The following COL12A1 variants were observed in gnomAD, a reference collection of about 807,000 sequenced individuals.
COL12A1 encodes collagen type XII alpha 1 chain.
In COL12A1, 114 loss-of-function variants were observed where a neutral mutation model predicts 349.7. The observed-to-expected ratio is 0.33, with a 90% CI of 0.28 to 0.38. The LOEUF is 0.38. Among genes scored for constraint, COL12A1 ranks in the 10% least tolerant of loss-of-function variants. The pLI, the probability that COL12A1 is intolerant of heterozygous loss-of-function variation, is 1.00. For synonymous variants in COL12A1, 1,369 were observed against 1,329.0 expected, an observed-to-expected ratio of 1.03 and a Z score of -0.66; for missense variants, 3,284 against 3,756.9, an observed-to-expected ratio of 0.87 and a Z score of 3.29.
chr6:75,103,190 G>A (rs1384272420), intron 55 of COL12A1, among the ~76,000 whole-genome samples: 1 of 152,166 alleles, frequency 6.6e-6, no homozygotes. Flanking sequence ...CATCAGGCCT[G>A]GGTTAGCATC....
At chr6:75,190,714 T>C (rs537011597) in intron 5 of COL12A1, among the ~76,000 whole-genome samples, 57 of 151,964 alleles carry the variant, frequency 3.8e-4, no homozygotes, top group African/African-American at 1.4e-3. Context: ...TGATAGGTAA[T>C]AAAAGAAGTA....
chr6:75,128,183 T>C (rs1471055954), intron 38 of COL12A1, 113 bp downstream of exon 38: 4 of 834,060 alleles, frequency 4.8e-6, no homozygotes, highest in African/African-American at 3.5e-5. Context: ...ATTAGTGTGG[T>C]ATTTGAGATG....
chr6:75,087,940 C>A (rs931617044), intron 64 of COL12A1, among the ~76,000 whole-genome samples, 193 bp from the exon 65 acceptor site: 2 of 152,168 alleles, frequency 1.3e-5, no homozygotes, highest in African/African-American at 4.8e-5. Flanking sequence ...AGTGACTCAT[C>A]AGAGTTAATG....
chr6:75,123,673 C>T (rs1182518906), intron 42 of COL12A1, among the ~76,000 whole-genome samples: 1 of 152,126 alleles, frequency 6.6e-6, no homozygotes, highest in Non-Finnish European at 1.5e-5. Flanking sequence ...GTAAAAGTCA[C>T]TAATATGAAT....
At chr6:75,117,009 G>A (rs147898244) in intron 47 of COL12A1, among the ~76,000 whole-genome samples, 128 of 152,206 alleles carry the variant, frequency 8.4e-4, no homozygotes, top group African/African-American at 2.7e-3. Context: ...CTTGAAGCAC[G>A]GATGTTGACA....
chr6:75,121,126 C>T (rs567070077), intron 44 of COL12A1, among the ~76,000 whole-genome samples, 176 bp downstream of exon 44: 2 of 152,246 alleles, frequency 1.3e-5, no homozygotes, highest in Admixed American at 6.5e-5. Context: ...ATTTATTTTT[C>T]TATTGATTTA....
chr6:75,188,602 C>T (rs1769757730), intron 7 of COL12A1, 67 bp from the exon 8 acceptor site: 8 of 1,518,388 alleles, frequency 5.3e-6, no homozygotes, highest in South Asian at 1.2e-5. Flanking sequence ...AGAAGTTCTT[C>T]GTTTTCTCCA....
At position 75,085,051 on chromosome 6, in the gene COL12A1, C is replaced by G; in HGVS notation, c.*1496G>C. 1 of 339,602 alleles carries G rather than the reference C, an allele frequency of 2.9e-6. No individual in the cohort carries two copies. Among genetic ancestry groups the G allele is most frequent in the Non-Finnish European group, 5.9e-6 (1 of 168,794 alleles). 21.0% of individuals were successfully genotyped at this position (339,602 alleles called of 1,614,324 possible). On this transcript the variant is annotated 3_prime_UTR_variant, in exon 66 of 66. Coordinates refer to ENST00000322507, the MANE Select transcript of COL12A1 (RefSeq NM_004370.6). The stretch of plus-strand genomic sequence containing the variant: ...AGGCTTCCTGCAGAAACAAGGTTCT[C>G]TACAATCAGAAAGGGTACTCCTGGA...
chr6:75,142,279 T>A lies in COL12A1; in HGVS notation c.4828-118A>T, dbSNP rs569461963. The A allele has an allele frequency of 5.8e-6, 7 of 1,196,606 alleles. No individual in the cohort carries two copies. In the South Asian group the frequency reaches 7.4e-5, roughly 13 times the overall value. 74.1% of individuals were successfully genotyped at this position (1,196,606 alleles called of 1,614,324 possible). ...TAAAATTGTGATCAGAAAAGAGCAG[T>A]GTTTTCCAATATACATGAGAATCCA... is the stretch of plus-strand genomic sequence containing the variant. On this transcript the variant is annotated intron_variant, in intron 26 of 65. Coordinates refer to ENST00000322507, the MANE Select transcript of COL12A1 (RefSeq NM_004370.6).
chr6:75,147,879 G>C (rs767569835), intron 22 of COL12A1, 75 bp from the exon 23 acceptor site: 1 of 1,462,418 alleles, frequency 6.8e-7, no homozygotes. Context: ...TTACAAAGTA[G>C]TTAACTGCAG....
Position 75,181,074 on chromosome 6 carries a change from C to T in COL12A1, c.2029G>A (p.Val677Met). Residue 677 changes from valine to methionine, a missense_variant, in exon 11 of 66, where the codon GTG (valine) becomes ATG (methionine). Physicochemically the swap from Val to Met is conservative, Grantham distance 21. Around this residue, in one of 2 missense-constraint regions of COL12A1, gnomAD observed 2,601 missense variants for 2,824.8 expected, o/e 0.92. Coordinates refer to ENST00000322507, the MANE Select transcript of COL12A1 (RefSeq NM_004370.6). ...CTGGTGCTCGATGCTGGCTCCACCA[C>T]AGTGACCTCATCATCCCCAGCCGCT... ...KEAAGDDEVT[V>M]VEPASSTSVV... is the part of the protein sequence containing the mutation. 2 of 1,614,082 alleles carry T rather than the reference C, an allele frequency of 1.2e-6. No homozygotes were observed. Among genetic ancestry groups the T allele is most frequent in the Non-Finnish European group, 1.7e-6 (2 of 1,180,018 alleles).
In COL12A1 at chr6:75,085,111, G is replaced by A. The variant is rs920147858; in HGVS notation, c.*1436C>T. 6 of 394,358 alleles carry A rather than the reference G, an allele frequency of 1.5e-5. No homozygotes were observed. Among genetic ancestry groups the A allele is most frequent in the Non-Finnish European group, 2.6e-5 (5 of 195,204 alleles). The allele number at this position is 394,358 out of a possible 1,614,324, so 24.4% of individuals were successfully genotyped here. ...CTGGAAGAAACACCTCAGAAAAGAC[G>A]TACACTGCTCTATCTGACCTGTAAA... On this transcript the variant is annotated 3_prime_UTR_variant, in exon 66 of 66. Transcript: ENST00000322507.
At chr6:75,200,295 C>T (rs73463825) in intron 2 of COL12A1, among the ~76,000 whole-genome samples, 160 of 152,200 alleles carry the variant, frequency 1.1e-3, no homozygotes, top group African/African-American at 3.6e-3. Flanking sequence ...GTGGCCAGTA[C>T]GAAATAAACT....
Position 75,124,005 on chromosome 6 carries a change from C to T in COL12A1, c.6814G>A (p.Val2272Ile), listed in dbSNP as rs1158867383. 3 of 1,613,768 alleles carry T rather than the reference C, an allele frequency of 1.9e-6. No homozygotes were observed. Among genetic ancestry groups the T allele is most frequent in the African/African-American group, 1.3e-5 (1 of 74,918 alleles). The change falls in exon 42 of 66, where the codon GTT becomes ATT. Residue 2272 changes from valine to isoleucine, a missense_variant. By Grantham distance (29) the Val-to-Ile change is conservative. Around this residue, in one of 2 missense-constraint regions of COL12A1, gnomAD observed 2,601 missense variants for 2,824.8 expected, o/e 0.92. Coordinates refer to ENST00000322507, the MANE Select transcript of COL12A1 (RefSeq NM_004370.6). Reference sequence around the variant, plus strand: ...TCGAGATTTGGTGTCTGCACAAAAACAGTGACACCATAATCAGTGTCTGGT... The same window carrying T: ...TCGAGATTTGGTGTCTGCACAAAAATAGTGACACCATAATCAGTGTCTGGT... ...LSPDTDYGVT[V>I]FVQTPNLEGP...
At chr6:75,115,346 C>A (rs775049706) in intron 49 of COL12A1, among the ~76,000 whole-genome samples, 1 of 152,068 alleles carries the variant, frequency 6.6e-6, no homozygotes. Flanking sequence ...CCAATAAAAA[C>A]TACATGCCAA....
In COL12A1 at chr6:75,130,098, T is replaced by A; in HGVS notation, c.6203A>T (p.Asp2068Val). The A allele has an allele frequency of 6.2e-7, 1 of 1,613,202 alleles. No homozygotes were observed. The highest frequency in any genetic ancestry group is 8.5e-7 in the Non-Finnish European group (1 of 1,179,750). Residue 2068 changes from aspartate to valine, a missense_variant, in exon 37 of 66, where the codon GAT (aspartate) becomes GTT (valine). Transcript: ENST00000322507. ...IYSPTVGDPI[D>V]EYTTVPGRRN... is the part of the protein sequence containing the mutation. ...AATGAGTATCAGACTTACATATTCATCAATTGGATCACCAACAGTGGGAGA... is the reference window on the plus strand; with the variant it reads ...AATGAGTATCAGACTTACATATTCAACAATTGGATCACCAACAGTGGGAGA...
chr6:75,190,681 A>C (rs551558942), intron 5 of COL12A1, among the ~76,000 whole-genome samples: 2 of 152,012 alleles, frequency 1.3e-5, no homozygotes, highest in South Asian at 4.1e-4. Context: ...TTTTCTGATG[A>C]TGATTTTGTT....
At chr6:75,203,233 G>A (rs1282393086) in intron 1 of COL12A1, among the ~76,000 whole-genome samples, 1 of 152,182 alleles carries the variant, frequency 6.6e-6, no homozygotes, top group African/African-American at 2.4e-5. Flanking sequence ...GAACTCTTTA[G>A]GTAACTGTAC....
Position 75,200,920 on chromosome 6 carries a change from A to G in COL12A1, c.73+1800T>C, listed in dbSNP as rs570308657. Among the ~76,000 whole-genome samples the G allele has an allele frequency of 8.7e-4, 132 of 151,942 alleles. 1 individual carries two copies. Among genetic ancestry groups the G allele is most frequent in the African/African-American group, 3.0e-3 (126 of 41,404 alleles). ...AAATACTAACTTAAGGAGATGGGAT[A>G]CAAGAAAAGACACAGATTAAGAAGC... is the stretch of plus-strand genomic sequence containing the variant. On this transcript the variant is annotated intron_variant, in intron 2 of 65. Transcript: ENST00000322507.
Sources: allele counts gnomAD v4.1 joint callset (sites outside exome capture counted in the v4.1 genomes callset), GRCh38; gene constraint gnomAD v4.1.1; regional missense constraint gnomAD v4.1.1; transcripts MANE v1.5; gene names NCBI Gene and HGNC (gene_info 2026-07-23, HGNC 2026-07-21).